Variants in OLFM2 observed in about 807,000 individuals in gnomAD.
OLFM2 encodes olfactomedin 2.
Under a neutral mutation model 43.9 loss-of-function variants are expected in OLFM2, and 20 were observed. That is an observed-to-expected ratio of 0.46 (90% CI 0.32 to 0.66). OLFM2 has a LOEUF of 0.66. Among genes scored for constraint, OLFM2 ranks in the 30% least tolerant of loss-of-function variants. The pLI is 0.04. For synonymous variants in OLFM2, 268 were observed against 278.6 expected (o/e 0.96, Z 0.38); for missense variants, 416 against 643.6 (o/e 0.65, Z 3.83).
intron 1 of OLFM2, among the ~76,000 whole-genome samples, chr19:9,933,345 G>A (rs895533317): frequency 3.4e-5 from 5 of 147,552 alleles, no homozygotes; most frequent in African/African-American, 1.3e-4. Flanking sequence ...CAAGCAATTC[G>A]CCTGCCTCAG....
At chr19:9,912,324 C>T (rs1021156247) in intron 1 of OLFM2, among the ~76,000 whole-genome samples, 1 of 152,166 alleles carries the variant, frequency 6.6e-6, no homozygotes, top group African/African-American at 2.4e-5. Context: ...CCACCACACA[C>T]CCTTGCCTTC....
At chr19:9,866,937 G>A (rs758004923) in intron 1 of OLFM2, among the ~76,000 whole-genome samples, 5 of 152,150 alleles carry the variant, frequency 3.3e-5, no homozygotes, top group Non-Finnish European at 5.9e-5. Context: ...CACTTTTGCT[G>A]AGGCTGCCCT....
chr19:9,882,321 G>A (rs549116250), intron 1 of OLFM2, among the ~76,000 whole-genome samples: 10 of 142,574 alleles, frequency 7.0e-5, no homozygotes, highest in Admixed American at 6.3e-4. Context: ...GGTGGATCGT[G>A]AGGTCAGGAG....
intron 1 of OLFM2, among the ~76,000 whole-genome samples, chr19:9,865,854 A>T (rs67646978): frequency 0.091 from 13,643 of 150,106 alleles, 677 homozygotes; most frequent in Middle Eastern, 0.19. Flanking sequence ...AACATCAAAC[A>T]GGAGCCCAAG....
intron 1 of OLFM2, among the ~76,000 whole-genome samples, chr19:9,867,427 C>T (rs140036727): frequency 1.3e-5 from 2 of 152,210 alleles, no homozygotes; most frequent in East Asian, 1.9e-4. Flanking sequence ...TCCCTGGGGA[C>T]GGAGGCATTG....
At chr19:9,911,145 C>G (rs1364936281) in intron 1 of OLFM2, among the ~76,000 whole-genome samples, 1 of 152,166 alleles carries the variant, frequency 6.6e-6, no homozygotes, top group Non-Finnish European at 1.5e-5. Context: ...GGTAAGACAT[C>G]ATTCCCATTT....
intron 1 of OLFM2, among the ~76,000 whole-genome samples, chr19:9,910,696 T>C (rs1253681569): frequency 2.6e-5 from 4 of 151,758 alleles, no homozygotes; most frequent in Non-Finnish European, 5.9e-5. Flanking sequence ...CATGGAGGAA[T>C]TGGTGAATGC....
chr19:9,888,591 C>G (rs902658953), intron 1 of OLFM2, among the ~76,000 whole-genome samples: 3 of 151,998 alleles, frequency 2.0e-5, no homozygotes, highest in Admixed American at 6.6e-5. Context: ...CCCAGCACCC[C>G]CCATCCACTT....
At chr19:9,908,509 G>A (rs901696101) in intron 1 of OLFM2, among the ~76,000 whole-genome samples, 7 of 110,160 alleles carry the variant, frequency 6.4e-5, no homozygotes, top group African/African-American at 2.6e-4. Context: ...ACAGAGTCTT[G>A]CTCTGTCACC....
intron 2 of OLFM2, among the ~76,000 whole-genome samples, chr19:9,859,525 T>G (rs1043912586): frequency 6.6e-6 from 1 of 152,050 alleles, no homozygotes; most frequent in African/African-American, 2.4e-5. Flanking sequence ...ACTCCTGACC[T>G]CAAGTGATAC....
At chr19:9,904,036 A>G (rs1306933819) in intron 1 of OLFM2, among the ~76,000 whole-genome samples, 1 of 152,098 alleles carries the variant, frequency 6.6e-6, no homozygotes, top group Non-Finnish European at 1.5e-5. Context: ...ACTTGTCATT[A>G]TACTGAAGGC....
chr19:9,894,009 T>C (rs12982437), intron 1 of OLFM2, among the ~76,000 whole-genome samples: 78,960 of 151,774 alleles, frequency 0.52, 21,101 homozygotes, highest in Admixed American at 0.61. Context: ...AGGGTTTTCT[T>C]GGTCGGGCAT....
At position 9,922,754 on chromosome 19, in the gene OLFM2, CA is replaced by C. The variant is rs200901607; in HGVS notation, c.63+13549del. ...GCAACAGGGCAAAACCCCGTCTCTA[CA>C]AAAAAATTCGCCAGGAGTGGTGCTG... On this transcript the variant is annotated intron_variant, in intron 1 of 5. Transcript: ENST00000264833. 1.5e-3 allele frequency among the ~76,000 whole-genome samples: 226 copies of C among 151,320 alleles called. 1 individual carries two copies. The highest frequency in any genetic ancestry group is 5.1e-3 in the African/African-American group (209 of 41,268).
chr19:9,857,132 A>G lies in OLFM2; in HGVS notation c.580+131T>C, dbSNP rs1053646463. ...TCTGGACTCAAGTGTAGCCTTAGGT[A>G]GGAAGGTCAAGGGTTGAGGTTTAAA... On this transcript the variant is annotated intron_variant, in intron 4 of 5. Transcript: ENST00000264833. The surrounding 1 kb of genome is among the most constrained non-coding windows in gnomAD (Gnocchi z 5.7). The G allele has an allele frequency of 4.8e-5, 45 of 940,104 alleles. No individual in the cohort carries two copies. The highest frequency in any genetic ancestry group is 4.5e-4 in the African/African-American group (28 of 62,010). The allele number at this position is 940,104 out of a possible 1,614,324, so 58.2% of individuals were successfully genotyped here. A position where few individuals can be genotyped will look rare whatever the true frequency, so the allele number is the denominator to read the frequency against.
chr19:9,865,832 A>G (rs1043840988), intron 1 of OLFM2, among the ~76,000 whole-genome samples: 4 of 149,576 alleles, frequency 2.7e-5, no homozygotes, highest in Non-Finnish European at 4.5e-5. Flanking sequence ...AAAAAAAAAA[A>G]AAACAAAGAA....
At chr19:9,859,626 G>A (rs1311755666) in intron 2 of OLFM2, among the ~76,000 whole-genome samples, 3 of 152,198 alleles carry the variant, frequency 2.0e-5, no homozygotes, top group Non-Finnish European at 2.9e-5. Context: ...ATGATCAGAG[G>A]TAGAAGGAAA....
intron 1 of OLFM2, among the ~76,000 whole-genome samples, chr19:9,931,301 G>A (rs376266763): frequency 2.0e-5 from 3 of 152,144 alleles, no homozygotes; most frequent in East Asian, 3.9e-4. Context: ...CCAAGCTGGA[G>A]TGCAGTAGTG....
intron 2 of OLFM2, among the ~76,000 whole-genome samples, chr19:9,859,809 C>A (rs752028656): frequency 1.3e-5 from 2 of 152,180 alleles, no homozygotes; most frequent in Non-Finnish European, 2.9e-5. Context: ...TCCTTCCCCC[C>A]ACCCCAATCC....
intron 1 of OLFM2, among the ~76,000 whole-genome samples, chr19:9,889,351 C>G (rs1344080969): frequency 6.6e-6 from 1 of 152,044 alleles, no homozygotes; most frequent in Non-Finnish European, 1.5e-5. Flanking sequence ...CAGGCTCAAG[C>G]AATCCTCCCA....
Sources: gnomAD v4.1 joint callset for allele counts (sites outside exome capture counted in the v4.1 genomes callset) on GRCh38, gnomAD v4.1.1 for gene constraint, Gnocchi (gnomAD v3.1) non-coding constraint, MANE v1.5 for transcripts, NCBI Gene and HGNC (gene_info 2026-07-23, HGNC 2026-07-21) for gene names.